YES1: variants seen among roughly 807,000 people sequenced by gnomAD.
YES1 encodes tyrosine-protein kinase Yes.
A neutral mutation model predicts 70.4 loss-of-function variants in YES1; 39 were observed. The ratio of observed to expected loss-of-function variants is 0.55; its 90% CI spans 0.43 to 0.72. The LOEUF (loss-of-function observed/expected upper bound fraction) is 0.72. Among genes scored for constraint, YES1 ranks in the 30% least tolerant of loss-of-function variants. YES1 has a pLI of 0.00. For synonymous variants in YES1, 198 were observed against 218.6 expected (o/e 0.91, Z 0.83); for missense variants, 495 against 644.8 (o/e 0.77, Z 2.52).
intron 10 of YES1, among the ~76,000 whole-genome samples, chr18:733,172 G>A (rs1040985582): frequency 1.3e-5 from 2 of 152,116 alleles, no homozygotes; most frequent in African/African-American, 2.4e-5. Context: ...TTAGACAGCT[G>A]ATGATATAAA....
chr18:762,622 A>G (rs1168827189), intron 1 of YES1, among the ~76,000 whole-genome samples: 3 of 152,196 alleles, frequency 2.0e-5, no homozygotes, highest in Non-Finnish European at 2.9e-5. Flanking sequence ...AATAACATAC[A>G]TTATGGGATT....
chr18:802,536 C>T (rs964812661), intron 1 of YES1, among the ~76,000 whole-genome samples: 5 of 146,742 alleles, frequency 3.4e-5, no homozygotes, highest in African/African-American at 5.1e-5. Context: ...AAGAGTGAAA[C>T]TCCATCTCAA....
chr18:732,738 A>T (rs2080107196), intron 11 of YES1, 96 bp downstream of exon 11: 16 of 1,512,354 alleles, frequency 1.1e-5, no homozygotes, highest in Non-Finnish European at 1.4e-5. Context: ...CTATGAGAAG[A>T]AATAAAGGCC....
intron 2 of YES1, among the ~76,000 whole-genome samples, chr18:756,339 A>T (rs537340846): frequency 1.3e-5 from 2 of 152,116 alleles, no homozygotes; most frequent in African/African-American, 4.8e-5. Flanking sequence ...TAATGACATG[A>T]TCCAGTACAT....
chr18:752,556 T>C (rs769667303), intron 2 of YES1, among the ~76,000 whole-genome samples: 16 of 152,188 alleles, frequency 1.1e-4, no homozygotes, highest in Non-Finnish European at 2.2e-4. Flanking sequence ...AATGAACAAT[T>C]GCATCTAATC....
intron 4 of YES1, among the ~76,000 whole-genome samples, chr18:746,944 C>G (rs1265350612): frequency 6.6e-6 from 1 of 152,066 alleles, no homozygotes; most frequent in East Asian, 1.9e-4. Context: ...TTTTTCTTAA[C>G]TAATTGTAAG....
intron 10 of YES1, chr18:736,176 AAAC>A (rs149649622): frequency 0.45 from 68,346 of 151,748 alleles, 15,542 homozygotes; most frequent in African/African-American, 0.52. Flanking sequence ...CTATCTCGAA[AAAC>A]AACAACAACA....
At chr18:767,202 T>C (rs1598919886) in intron 1 of YES1, among the ~76,000 whole-genome samples, 1 of 152,124 alleles carries the variant, frequency 6.6e-6, no homozygotes, top group South Asian at 2.1e-4. Context: ...CTGGCTGGAG[T>C]ACAGTGACAT....
rs1254059306 is a variant in YES1, at chr18:722,965, AC to A, written c.*1458del. On this transcript the variant is annotated 3_prime_UTR_variant, in exon 12 of 12. Transcript: ENST00000314574. Reference sequence around the variant, plus strand: ...AAACTAGCCAGGCGTGGTGGTGGGCACCTGTAGTCCCAGCTACTCGGGAGGC... The same window carrying A: ...AAACTAGCCAGGCGTGGTGGTGGGCACTGTAGTCCCAGCTACTCGGGAGGC... 2.0e-5 allele frequency: 3 copies of A among 152,246 alleles called. No homozygotes were observed. In the East Asian group the frequency reaches 5.8e-4, roughly 29 times the overall value. 9.4% of individuals were successfully genotyped at this position (152,246 alleles called of 1,614,324 possible).
At chr18:796,442 T>A (rs141475886) in intron 1 of YES1, among the ~76,000 whole-genome samples, 50 of 152,282 alleles carry the variant, frequency 3.3e-4, no homozygotes, top group African/African-American at 1.2e-3. Flanking sequence ...ATGGTTATAA[T>A]CAACAGCATC....
rs1555692642 is a variant in YES1 at position 804,925 on chromosome 18, A to AAAAAAAAAAAAC, written c.-9+7188_-9+7189insGTTTTTTTTTTT. Among the ~76,000 whole-genome samples the AAAAAAAAAAAAC allele has an allele frequency of 7.3e-5, 11 of 150,804 alleles. 1 individual carries two copies. Among genetic ancestry groups the AAAAAAAAAAAAC allele is most frequent in the African/African-American group, 2.7e-4 (11 of 41,054 alleles). ...TGAGACTCTGACTCAAAAAAAAAAA[A>AAAAAAAAAAAAC]CACAAACCAAAAACCTAGCATAGTA... On this transcript the variant is annotated intron_variant, in intron 1 of 11. Transcript: ENST00000314574.
chr18:782,705 C>G (rs1203373673), intron 1 of YES1, among the ~76,000 whole-genome samples: 2 of 152,128 alleles, frequency 1.3e-5, no homozygotes, highest in East Asian at 3.8e-4. Flanking sequence ...TTTTAACTTT[C>G]TGAATTTTAC....
rs566201648 is a variant in YES1, at chr18:789,047, G to A, written c.-9+23067C>T. The stretch of plus-strand genomic sequence containing the variant: ...CCATTTTATAACATTATTAGTTTGA[G>A]AATGGATATTTTAAATTCCATGAAA... On this transcript the variant is annotated intron_variant, in intron 1 of 11. Transcript: ENST00000314574. Among the ~76,000 whole-genome samples the A allele has an allele frequency of 5.3e-5, 8 of 152,286 alleles. No homozygotes were observed. The Middle Eastern group carries it at 0.02, about 388-fold the overall frequency.
At chr18:732,137 A>G (rs1953795306) in intron 11 of YES1, among the ~76,000 whole-genome samples, 1 of 151,110 alleles carries the variant, frequency 6.6e-6, no homozygotes, top group South Asian at 2.1e-4. Context: ...AGGCAAGTAC[A>G]TATTTAAAAA....
intron 11 of YES1, among the ~76,000 whole-genome samples, chr18:727,741 TCA>T (rs2080038240): frequency 6.6e-6 from 1 of 152,208 alleles, no homozygotes; most frequent in Non-Finnish European, 1.5e-5. Context: ...TGTGTTACTG[TCA>T]CAGTCTATTT....
At chr18:726,348 C>T (rs548689945) in intron 11 of YES1, among the ~76,000 whole-genome samples, 9 of 151,540 alleles carry the variant, frequency 5.9e-5, no homozygotes, top group Non-Finnish European at 1.2e-4. Context: ...TCGCTTGAAC[C>T]TGGGAGGTGG....
At chr18:769,880 C>A (rs953195818) in intron 1 of YES1, among the ~76,000 whole-genome samples, 3 of 151,958 alleles carry the variant, frequency 2.0e-5, no homozygotes, top group Admixed American at 2.0e-4. Flanking sequence ...GTAGTATTTT[C>A]CTGTAATTTC....
chr18:722,030 C>A lies in YES1; in HGVS notation c.*2394G>T, dbSNP rs1349266406. 1 of 152,624 alleles carries A rather than the reference C, an allele frequency of 6.6e-6. No homozygotes were observed. The highest frequency in any genetic ancestry group is 6.5e-5 in the Admixed American group (1 of 15,270). 9.5% of individuals were successfully genotyped at this position (152,624 alleles called of 1,614,324 possible). A position where few individuals can be genotyped will look rare whatever the true frequency, so the allele number is the denominator to read the frequency against. On this transcript the variant is annotated 3_prime_UTR_variant, in exon 12 of 12. Coordinates refer to ENST00000314574, the MANE Select transcript of YES1 (RefSeq NM_005433.4). ...ACATTAAGTTAGTGTTTTATCCCTA[C>A]TATACAATTGTTATTATATAAGGAA...
chr18:736,873 A>G lies in YES1; in HGVS notation c.1226T>C (p.Val409Ala), dbSNP rs768048101. The change falls in exon 10 of 12, where the codon GTG becomes GCG. Residue 409 changes from valine to alanine, a missense_variant. Val to Ala is a moderately conservative substitution (Grantham distance 64). Around this residue, in one of 2 missense-constraint regions of YES1, gnomAD observed 385 missense variants for 540.9 expected, o/e 0.71. Transcript: ENST00000314574. ...TAAACCAAAGTCTGCTATTTTGCAC[A>G]CAAGATTTTCTCCTACAAGAATATT... ...AANILVGENL[V>A]CKIADFGLAR... 3 of 1,612,988 alleles carry G rather than the reference A, an allele frequency of 1.9e-6. No individual in the cohort carries two copies. The highest frequency in any genetic ancestry group is 2.5e-6 in the Non-Finnish European group (3 of 1,179,980).
Sources: gnomAD v4.1 joint callset for allele counts (sites outside exome capture counted in the v4.1 genomes callset) on GRCh38, gnomAD v4.1.1 for gene constraint, gnomAD v4.1.1 regional missense constraint, MANE v1.5 for transcripts, NCBI Gene and HGNC (gene_info 2026-07-23, HGNC 2026-07-21) for gene names.